The following MDGA2 variants were observed in gnomAD, a reference collection of about 807,000 sequenced individuals.
MDGA2 encodes the protein MAM domain containing glycosylphosphatidylinositol anchor 2.
In MDGA2, 40 loss-of-function variants were observed where a neutral mutation model predicts 117.8. That is an observed-to-expected ratio of 0.34 (90% CI 0.26 to 0.44). The LOEUF is 0.44. Among genes scored for constraint, MDGA2 ranks in the 20% least tolerant of loss-of-function variants. The pLI, the probability that MDGA2 is intolerant of heterozygous loss-of-function variation, is 1.00. For synonymous variants in MDGA2, 452 were observed against 439.0 expected (o/e 1.03, Z -0.37); for missense variants, 1,123 against 1,250.6 (o/e 0.90, Z 1.54).
chr14:47,061,196 T>G, intron 7 of MDGA2, 53 bp downstream of exon 7: 2 of 1,499,638 alleles, frequency 1.3e-6, no homozygotes, highest in Non-Finnish European at 1.8e-6. Flanking sequence ...TCTGTTAAAC[T>G]TCAATCATTC....
chr14:47,131,939 A>G (rs1882227641), intron 4 of MDGA2, 93 bp from the exon 5 acceptor site: 4 of 1,016,686 alleles, frequency 3.9e-6, no homozygotes, highest in Non-Finnish European at 5.4e-6. Context: ...GTATTAAATC[A>G]TATTATTATC....
intron 1 of MDGA2, among the ~76,000 whole-genome samples, chr14:47,473,781 G>A (rs1893778668): frequency 6.6e-6 from 1 of 151,998 alleles, no homozygotes; most frequent in Non-Finnish European, 1.5e-5. Flanking sequence ...ATCCCTTCAT[G>A]TTAAAAACTC....
chr14:47,624,560 T>C (rs959840422), intron 1 of MDGA2, among the ~76,000 whole-genome samples: 1 of 152,234 alleles, frequency 6.6e-6, no homozygotes, highest in Non-Finnish European at 1.5e-5. Context: ...AGGATATAAA[T>C]AGAGCCAAAG....
chr14:47,151,018 C>T (rs572202107), intron 3 of MDGA2, among the ~76,000 whole-genome samples: 10 of 151,968 alleles, frequency 6.6e-5, no homozygotes, highest in African/African-American at 2.4e-4. Context: ...GAGTGATCCA[C>T]CTCTAAAATT....
intron 5 of MDGA2, among the ~76,000 whole-genome samples, chr14:47,122,648 C>CAA (rs1285009180): frequency 6.6e-6 from 1 of 152,006 alleles, no homozygotes; most frequent in African/African-American, 2.4e-5. Flanking sequence ...GATCATGGAG[C>CAA]TATTCTAAGC....
chr14:47,641,869 T>C (rs1160520283), intron 1 of MDGA2, among the ~76,000 whole-genome samples: 1 of 152,086 alleles, frequency 6.6e-6, no homozygotes, highest in Non-Finnish European at 1.5e-5. Context: ...ATTGAACTCA[T>C]TTGATAGGGA....
At chr14:47,042,430 T>C (rs1889111776) in intron 7 of MDGA2, among the ~76,000 whole-genome samples, 3 of 151,606 alleles carry the variant, frequency 2.0e-5, no homozygotes. Flanking sequence ...TCATCTTTGG[T>C]GATCTGATTG....
chr14:46,866,727 C>T (rs1156394133), intron 14 of MDGA2, among the ~76,000 whole-genome samples: 5 of 151,536 alleles, frequency 3.3e-5, no homozygotes, highest in South Asian at 2.1e-4. Flanking sequence ...AGAAAGTGGG[C>T]GAAGGACATG....
At chr14:47,104,429 C>CT (rs1323440144) in intron 5 of MDGA2, among the ~76,000 whole-genome samples, 4 of 127,348 alleles carry the variant, frequency 3.1e-5, no homozygotes, top group South Asian at 2.5e-4. Flanking sequence ...AGCACCCCCA[C>CT]TGAGCACCTT....
chr14:47,356,183 C>T (rs1179227843), intron 1 of MDGA2, among the ~76,000 whole-genome samples: 1 of 152,188 alleles, frequency 6.6e-6, no homozygotes, highest in Non-Finnish European at 1.5e-5. Flanking sequence ...CCCCAGCACA[C>T]ACTTGTGAAC....
intron 8 of MDGA2, among the ~76,000 whole-genome samples, chr14:46,974,388 A>G (rs1192576960): frequency 1.3e-5 from 2 of 152,150 alleles, no homozygotes; most frequent in Non-Finnish European, 2.9e-5. Flanking sequence ...TCTAAAATTC[A>G]TATGAATCTC....
chr14:47,326,362 A>G (rs1667120342), intron 1 of MDGA2, among the ~76,000 whole-genome samples: 1 of 152,146 alleles, frequency 6.6e-6, no homozygotes, highest in African/African-American at 2.4e-5. Context: ...TATTCTCCTG[A>G]GTTTGAAGAG....
At chr14:47,117,157 A>C (rs72678500) in intron 5 of MDGA2, among the ~76,000 whole-genome samples, 1 of 152,062 alleles carries the variant, frequency 6.6e-6, no homozygotes, top group Non-Finnish European at 1.5e-5. Context: ...ATATGAACAA[A>C]TGCTCAGTGT....
intron 3 of MDGA2, among the ~76,000 whole-genome samples, chr14:47,165,676 A>G (rs1208165715): frequency 6.6e-6 from 1 of 152,210 alleles, no homozygotes; most frequent in Non-Finnish European, 1.5e-5. Context: ...AGGGTCTCCA[A>G]TGCTGGTATG....
intron 9 of MDGA2, among the ~76,000 whole-genome samples, chr14:46,925,824 A>G (rs1364084726): frequency 6.6e-6 from 1 of 152,132 alleles, no homozygotes; most frequent in Non-Finnish European, 1.5e-5. Context: ...AGAAGAAAAA[A>G]TCAAATCTCT....
chr14:47,341,486 T>C (rs1890621524), intron 1 of MDGA2, among the ~76,000 whole-genome samples: 1 of 152,192 alleles, frequency 6.6e-6, no homozygotes, highest in Non-Finnish European at 1.5e-5. Flanking sequence ...TTGGAGTAAA[T>C]TCTAAGTCCA....
At chr14:47,430,480 C>G (rs750263669) in intron 1 of MDGA2, among the ~76,000 whole-genome samples, 6 of 151,942 alleles carry the variant, frequency 3.9e-5, no homozygotes, top group Non-Finnish European at 8.8e-5. Context: ...GAAGAAAGTG[C>G]ATGCTTAATT....
intron 8 of MDGA2, among the ~76,000 whole-genome samples, chr14:46,988,137 G>A (rs1886936273): frequency 6.6e-6 from 1 of 151,924 alleles, no homozygotes; most frequent in South Asian, 2.1e-4. Context: ...ATGAATGTAT[G>A]AGAAGGGTTG....
At chr14:46,964,919 CTTTTT>C (rs746778179) in intron 8 of MDGA2, among the ~76,000 whole-genome samples, 2,881 of 89,760 alleles carry the variant, frequency 0.032, 315 homozygotes, top group African/African-American at 0.17. Flanking sequence ...TATATATTTA[CTTTTT>C]TTTTTTTTTT....
Sources: gnomAD v4.1 joint callset for allele counts (sites outside exome capture counted in the v4.1 genomes callset) on GRCh38, gnomAD v4.1.1 for gene constraint, MANE v1.5 for transcripts, NCBI Gene and HGNC (gene_info 2026-07-23, HGNC 2026-07-21) for gene names.